Variants in SRPK2 observed in about 807,000 individuals in gnomAD.
SRPK2 encodes SFRS protein kinase 2.
In SRPK2, 21 loss-of-function variants were observed where a neutral mutation model predicts 90.8. The observed-to-expected ratio is 0.23, with a 90% CI of 0.16 to 0.33. The LOEUF is 0.33. Ranked by LOEUF, SRPK2 falls within the 10% of genes least tolerant of loss-of-function variation. The pLI, the probability that SRPK2 is intolerant of heterozygous loss-of-function variation, is 1.00. For missense variants in SRPK2, 620 were observed against 869.0 expected (o/e 0.71, Z 3.60); for synonymous variants, 288 against 311.1 (o/e 0.93, Z 0.78).
chr7:105,287,259 T>TA lies in SRPK2; in HGVS notation c.72-83475dup, dbSNP rs71520909. On this transcript the variant is annotated intron_variant, in intron 2 of 15. Transcript: ENST00000393651. ...CTGGGCGACAGAGCGAGACTCCGTC[T>TA]AAAAAAAAAAAAAAAAAAAAAAAAA... Among the ~76,000 whole-genome samples, 270 of 58,512 alleles carry TA rather than the reference T, an allele frequency of 4.6e-3. 1 individual carries two copies. Among genetic ancestry groups the TA allele is most frequent in the African/African-American group, 0.017 (230 of 13,664 alleles). The allele number at this position is 58,512 out of a possible 152,430, so 38.4% of individuals were successfully genotyped here.
At chr7:105,288,873 C>T (rs951775725) in intron 2 of SRPK2, among the ~76,000 whole-genome samples, 4 of 152,050 alleles carry the variant, frequency 2.6e-5, no homozygotes, top group Non-Finnish European at 2.9e-5. Context: ...GAAGCTGCTG[C>T]GTACCACAAA....
intron 2 of SRPK2, among the ~76,000 whole-genome samples, chr7:105,254,124 T>C (rs1802882922): frequency 6.6e-6 from 1 of 152,250 alleles, no homozygotes; most frequent in South Asian, 2.1e-4. Flanking sequence ...TATAAGAATC[T>C]ATTGATGAAT....
At chr7:105,119,260 C>T (rs1167768823) in intron 15 of SRPK2, among the ~76,000 whole-genome samples, 6 of 152,078 alleles carry the variant, frequency 3.9e-5, no homozygotes, top group African/African-American at 1.4e-4. Context: ...GCTCTGCTCA[C>T]AAAGGTGTTC....
chr7:105,365,097 T>C (rs563185321), intron 2 of SRPK2, among the ~76,000 whole-genome samples: 1 of 152,324 alleles, frequency 6.6e-6, no homozygotes, highest in South Asian at 2.1e-4. Context: ...CCTTAAATCC[T>C]GGTGCTTACT....
At chr7:105,204,043 G>C (rs2129610302) in intron 2 of SRPK2, among the ~76,000 whole-genome samples, 1 of 151,744 alleles carries the variant, frequency 6.6e-6, no homozygotes, top group South Asian at 2.1e-4. Context: ...AGCGCTTCAA[G>C]AACTACCAAT....
At chr7:105,331,331 A>C (rs1264667267) in intron 2 of SRPK2, among the ~76,000 whole-genome samples, 3 of 146,316 alleles carry the variant, frequency 2.1e-5, no homozygotes, top group Admixed American at 2.0e-4. Context: ...AAAAAAAAAA[A>C]AAAAAACAAA....
intron 2 of SRPK2, among the ~76,000 whole-genome samples, chr7:105,207,132 C>T (rs1306117568): frequency 6.6e-6 from 1 of 152,170 alleles, no homozygotes; most frequent in East Asian, 1.9e-4. Context: ...TGTCTTAGGG[C>T]TGGATTATTT....
rs532625945 is a variant in SRPK2 at position 105,196,866 on chromosome 7, A to C, written c.229+6762T>G. ...GGAGTTCGAGACCAGCATGGCCAAC[A>C]TGGTGAAACCTCATCTCTACTAAAA... On this transcript the variant is annotated intron_variant, in intron 3 of 15. Coordinates refer to ENST00000393651, the MANE Select transcript of SRPK2 (RefSeq NM_182692.3). Among the ~76,000 whole-genome samples, 3 of 152,256 alleles carry C rather than the reference A, an allele frequency of 2.0e-5. No individual in the cohort carries two copies. In the South Asian group the frequency reaches 6.2e-4, roughly 32 times the overall value.
intron 2 of SRPK2, among the ~76,000 whole-genome samples, chr7:105,273,210 G>A (rs1166822350): frequency 1.1e-4 from 16 of 148,828 alleles, no homozygotes; most frequent in South Asian, 2.1e-4. Flanking sequence ...GAGAGACTCC[G>A]TCTCAAAAAA....
At chr7:105,324,417 A>G (rs12666949) in intron 2 of SRPK2, among the ~76,000 whole-genome samples, 28,306 of 151,778 alleles carry the variant, frequency 0.19, 3,420 homozygotes, top group East Asian at 0.64. Flanking sequence ...CTGCCTCCCA[A>G]GTTCAAACAA....
upstream of SRPK2, among the ~76,000 whole-genome samples, chr7:105,393,738 C>T (rs189843234): frequency 4.0e-4 from 61 of 152,102 alleles, no homozygotes; most frequent in East Asian, 8.9e-3. Flanking sequence ...ATATTCACAG[C>T]GTTGTGCCAA....
chr7:105,386,905 A>T (rs556990881), intron 2 of SRPK2, among the ~76,000 whole-genome samples: 17 of 152,246 alleles, frequency 1.1e-4, no homozygotes, highest in Middle Eastern at 3.4e-3. Flanking sequence ...ACAGTGGGAG[A>T]AACTGGCAGA....
chr7:105,167,532 C>G (rs1172797844), intron 5 of SRPK2, 68 bp from the exon 6 acceptor site: 5 of 917,662 alleles, frequency 5.4e-6, no homozygotes, highest in Non-Finnish European at 8.5e-6. Context: ...CATTATAACA[C>G]CAATACTGTT....
chr7:105,160,984 G>A (rs1369465654), intron 6 of SRPK2, among the ~76,000 whole-genome samples: 1 of 151,950 alleles, frequency 6.6e-6, no homozygotes, highest in Non-Finnish European at 1.5e-5. Context: ...GGAGTGCAGT[G>A]GTGTGATCTT....
chr7:105,381,779 G>A (rs1253638492), intron 2 of SRPK2, among the ~76,000 whole-genome samples: 1 of 152,096 alleles, frequency 6.6e-6, no homozygotes, highest in Non-Finnish European at 1.5e-5. Context: ...CAAAGTCATG[G>A]GCTTATGAGC....
intron 15 of SRPK2, chr7:105,125,880 T>C (rs529311395): frequency 1.2e-4 from 159 of 1,281,660 alleles, no homozygotes; most frequent in East Asian, 3.0e-4. Context: ...GTGATCTGCA[T>C]TGGGAAACAT....
chr7:105,191,545 G>C (rs1194486403), intron 3 of SRPK2, among the ~76,000 whole-genome samples: 1 of 152,148 alleles, frequency 6.6e-6, no homozygotes, highest in African/African-American at 2.4e-5. Context: ...GCAATAGAAT[G>C]AGACACTCTA....
intron 2 of SRPK2, among the ~76,000 whole-genome samples, chr7:105,209,720 A>T (rs1343405082): frequency 6.6e-6 from 1 of 151,170 alleles, no homozygotes. Flanking sequence ...AAAACAAAAG[A>T]GCAAAGCAAA....
chr7:105,372,396 A>G (rs1027352182), intron 2 of SRPK2, among the ~76,000 whole-genome samples: 8 of 152,330 alleles, frequency 5.3e-5, no homozygotes, highest in African/African-American at 1.9e-4. Context: ...CATAAAGTTT[A>G]CATGCTCAAA....
Sources: allele counts gnomAD v4.1 joint callset (sites outside exome capture counted in the v4.1 genomes callset), GRCh38; gene constraint gnomAD v4.1.1; transcripts MANE v1.5; gene names NCBI Gene and HGNC (gene_info 2026-07-23, HGNC 2026-07-21).